The following FNTA variants were observed in gnomAD, a reference collection of about 807,000 sequenced individuals.
The protein encoded by FNTA is protein farnesyltransferase/geranylgeranyltransferase type-1 subunit alpha.
A neutral mutation model predicts 55.2 loss-of-function variants in FNTA; 27 were observed. The ratio of observed to expected loss-of-function variants is 0.49; its 90% confidence interval spans 0.36 to 0.67. The LOEUF (loss-of-function observed/expected upper bound fraction) is 0.67, where lower values mean the gene tolerates loss of function less well. Among genes scored for constraint, FNTA ranks in the 30% least tolerant of loss-of-function variants. The pLI, the probability that FNTA is intolerant of heterozygous loss-of-function variation, is 0.00. For synonymous variants in FNTA, 176 were observed against 170.7 expected (o/e 1.03, Z -0.24); for missense variants, 422 against 464.7 (o/e 0.91, Z 0.85).
intron 5 of FNTA, among the ~76,000 whole-genome samples, chr8:43,074,381 C>T (rs752921962): frequency 1.3e-5 from 2 of 152,034 alleles, no homozygotes; most frequent in Non-Finnish European, 1.5e-5. Flanking sequence ...AAAAATGAGA[C>T]GAGCGTAGTG....
At chr8:43,060,581 A>G (rs1810507994) in intron 2 of FNTA, among the ~76,000 whole-genome samples, 1 of 152,042 alleles carries the variant, frequency 6.6e-6, no homozygotes. Flanking sequence ...AGGCTGAGGC[A>G]GGAGAATTGC....
In FNTA at chr8:43,057,553, G is replaced by A. The variant is rs529113127; in HGVS notation, c.200+1007G>A. Among the ~76,000 whole-genome samples, 5 of 152,200 alleles carry A rather than the reference G, an allele frequency of 3.3e-5. No homozygotes were observed. In the South Asian group the frequency reaches 6.2e-4, roughly 19 times the overall value. On this transcript the variant is annotated intron_variant, in intron 1 of 8. Transcript: ENST00000302279. ...CCAGGCTCTAGGTGTCACGTCTTAG[G>A]TCATGATTTCACTTGTATTTCTCCC...
intron 1 of FNTA, among the ~76,000 whole-genome samples, chr8:43,057,951 C>T (rs564047798): frequency 7.7e-6 from 1 of 129,866 alleles, no homozygotes; most frequent in Admixed American, 7.8e-5. Flanking sequence ...AGCGTGACTC[C>T]ATCTCAAAAA....
intron 1 of FNTA, among the ~76,000 whole-genome samples, chr8:43,058,326 T>C (rs900502349): frequency 6.6e-6 from 1 of 152,236 alleles, no homozygotes; most frequent in Non-Finnish European, 1.5e-5. Context: ...GTCTTATTAA[T>C]GATCACCTGC....
intron 4 of FNTA, among the ~76,000 whole-genome samples, chr8:43,071,565 G>A (rs1386941546): frequency 2.0e-5 from 3 of 151,946 alleles, no homozygotes; most frequent in Admixed American, 6.6e-5. Context: ...CCAGCTACTC[G>A]GGAGGCTGAG....
rs777603932 is a variant in FNTA at position 43,084,724 on chromosome 8, G to C, written c.860G>C (p.Arg287Pro). The change falls in exon 8 of 9, where the codon CGT becomes CCT. Residue 287 changes from arginine (R) to proline (P), a missense_variant. Arg to Pro is a moderately radical substitution (Grantham distance 103). Transcript: ENST00000302279. ...WNYLKGILQDRGLSKYPNLLN... is the reference protein window; with the variant it reads ...WNYLKGILQDPGLSKYPNLLN... ...GTTGTTTACAGGATTTTGCAGGATC[G>C]TGGTCTTTCCAAATATCCTAATCTG... The C allele has an allele frequency of 3.1e-6, 5 of 1,606,462 alleles. No individual in the cohort carries two copies. Among genetic ancestry groups the C allele is most frequent in the Admixed American group, 1.7e-5 (1 of 58,512 alleles).
chr8:43,072,807 T>G (rs547286033), intron 5 of FNTA, among the ~76,000 whole-genome samples: 2 of 152,348 alleles, frequency 1.3e-5, no homozygotes, highest in South Asian at 4.1e-4. Context: ...TCTCTTTGGA[T>G]GTAGTAAATT....
intron 2 of FNTA, among the ~76,000 whole-genome samples, chr8:43,061,145 A>G (rs538514302): frequency 6.6e-6 from 1 of 152,360 alleles, no homozygotes; most frequent in South Asian, 2.1e-4. Flanking sequence ...GATTTTTCGA[A>G]TGTTTAGCCA....
chr8:43,080,926 A>G (rs1811014059), intron 6 of FNTA: 1 of 152,246 alleles, frequency 6.6e-6, no homozygotes, highest in Non-Finnish European at 1.5e-5. Flanking sequence ...TGCCAAATAG[A>G]AACAGAAATA....
chr8:43,061,525 A>G (rs1174461150), intron 2 of FNTA, among the ~76,000 whole-genome samples: 1 of 152,216 alleles, frequency 6.6e-6, no homozygotes, highest in Non-Finnish European at 1.5e-5. Flanking sequence ...GCATTTTTTG[A>G]AAAAGCAAGA....
At position 43,085,447 on chromosome 8, in the gene FNTA, G is replaced by A. The variant is rs923234474; in HGVS notation, c.*165G>A. 3.2e-6 allele frequency: 2 copies of A among 621,066 alleles called. No individual in the cohort carries two copies. Among genetic ancestry groups the A allele is most frequent in the Admixed American group, 7.2e-5 (2 of 27,802 alleles). The allele number at this position is 621,066 out of a possible 1,614,324, so 38.5% of individuals were successfully genotyped here. On this transcript the variant is annotated 3_prime_UTR_variant, in exon 9 of 9. Coordinates refer to ENST00000302279, the MANE Select transcript of FNTA (RefSeq NM_002027.3). Reference sequence around the variant, plus strand: ...GCTCCTTGGGTGCTGCTGCTACTCAGACTAGCTCTAAGTAATGTGATTCTT... The same window carrying A: ...GCTCCTTGGGTGCTGCTGCTACTCAAACTAGCTCTAAGTAATGTGATTCTT...
chr8:43,061,547 A>G (rs1263715826), intron 2 of FNTA, among the ~76,000 whole-genome samples: 13 of 152,228 alleles, frequency 8.5e-5, no homozygotes, highest in Admixed American at 7.9e-4. Flanking sequence ...ATTGGAAGCT[A>G]TATGTCTATC....
chr8:43,067,353 ATGT>A (rs1771693849), intron 3 of FNTA, among the ~76,000 whole-genome samples: 3 of 152,078 alleles, frequency 2.0e-5, no homozygotes, highest in South Asian at 2.1e-4. Flanking sequence ...ACTTCCCATA[ATGT>A]TGTTGACCTC....
At chr8:43,074,271 C>A (rs1410740307) in intron 5 of FNTA, among the ~76,000 whole-genome samples, 1 of 152,180 alleles carries the variant, frequency 6.6e-6, no homozygotes, top group African/African-American at 2.4e-5. Flanking sequence ...CGCCTGTAAT[C>A]CCAACACTTT....
intron 3 of FNTA, among the ~76,000 whole-genome samples, chr8:43,069,133 G>T (rs1272492766): frequency 1.3e-5 from 2 of 151,538 alleles, no homozygotes; most frequent in African/African-American, 4.9e-5. Flanking sequence ...TTGGGTGGGG[G>T]TGGATGGAGT....
chr8:43,081,688 G>T (rs576053598), intron 6 of FNTA: 1 of 152,256 alleles, frequency 6.6e-6, no homozygotes, highest in African/African-American at 2.4e-5. Context: ...CTCAGCCTGC[G>T]AGTAGCTGGG....
intron 2 of FNTA, among the ~76,000 whole-genome samples, chr8:43,059,524 CTT>C (rs1454368678): frequency 8.5e-5 from 13 of 152,214 alleles, no homozygotes; most frequent in African/African-American, 3.1e-4. Flanking sequence ...TTAGAATAAA[CTT>C]TGGTTGCTGA....
At chr8:43,062,756 C>T (rs967140400) in intron 2 of FNTA, among the ~76,000 whole-genome samples, 2 of 152,104 alleles carry the variant, frequency 1.3e-5, no homozygotes, top group Non-Finnish European at 2.9e-5. Context: ...TTTTTCACAC[C>T]AAGCAATTTT....
At position 43,056,329 on chromosome 8, in the gene FNTA, G is replaced by T; in HGVS notation, c.-18G>T. ...GGGCGGGGCCTCCGCCACCACCTCAGCTGCGGACCGAGGCGAGATGGCGGC... is the reference window on the plus strand; with the variant it reads ...GGGCGGGGCCTCCGCCACCACCTCATCTGCGGACCGAGGCGAGATGGCGGC... On this transcript the variant is annotated 5_prime_UTR_variant, in exon 1 of 9. Transcript: ENST00000302279. 1 of 1,403,934 alleles carries T rather than the reference G, an allele frequency of 7.1e-7. No homozygotes were observed. The highest frequency in any genetic ancestry group is 9.2e-7 in the Non-Finnish European group (1 of 1,088,314). The allele number at this position is 1,403,934 out of a possible 1,614,324, so 87.0% of individuals were successfully genotyped here.
Sources: allele counts gnomAD v4.1 joint callset (sites outside exome capture counted in the v4.1 genomes callset), GRCh38; gene constraint gnomAD v4.1.1; transcripts MANE v1.5; gene names NCBI Gene and HGNC (gene_info 2026-07-23, HGNC 2026-07-21).